RPTOR: variants seen among roughly 807,000 people sequenced by gnomAD.
RPTOR encodes the protein regulatory associated protein of MTOR complex 1, also known as regulatory-associated protein of mTOR.
In RPTOR, 21 loss-of-function variants were observed where a neutral mutation model predicts 169.9. That is an observed-to-expected ratio of 0.12 (90% CI 0.09 to 0.18). The LOEUF (loss-of-function observed/expected upper bound fraction) is 0.18, where lower values mean the gene tolerates loss of function less well. Ranked by LOEUF, RPTOR falls within the 10% of genes least tolerant of loss-of-function variation. The probability of loss-of-function intolerance (pLI) is 1.00; values close to 1 mark genes in which losing one functional copy is unlikely to be tolerated. For synonymous variants in RPTOR, 732 were observed against 753.2 expected (o/e 0.97, Z 0.46); for missense variants, 1,133 against 1,855.9 (o/e 0.61, Z 7.16).
At chr17:80,821,500 C>T (rs746903211) in intron 7 of RPTOR, among the ~76,000 whole-genome samples, 32 of 152,140 alleles carry the variant, frequency 2.1e-4, no homozygotes, top group Non-Finnish European at 3.7e-4. Flanking sequence ...CTGCAAAAGT[C>T]ATGGTTCTGT....
At chr17:80,567,441 C>A (rs1199299956) in intron 1 of RPTOR, among the ~76,000 whole-genome samples, 3 of 152,074 alleles carry the variant, frequency 2.0e-5, no homozygotes, top group African/African-American at 7.2e-5. Flanking sequence ...CTTTTGCTAT[C>A]AATGTCATAC....
At chr17:80,952,106 T>G (rs1252805645) in intron 28 of RPTOR, among the ~76,000 whole-genome samples, 11 of 152,150 alleles carry the variant, frequency 7.2e-5, no homozygotes, top group Admixed American at 7.2e-4. Context: ...GGGTAATTAT[T>G]TGTCATCGAT....
At chr17:80,743,694 G>A (rs1405501496) in intron 5 of RPTOR, among the ~76,000 whole-genome samples, 2 of 151,026 alleles carry the variant, frequency 1.3e-5, no homozygotes, top group African/African-American at 4.9e-5. Context: ...TACTAGCACA[G>A]CCCTGGCTAC....
chr17:80,621,067 T>G (rs1295632991), intron 1 of RPTOR, among the ~76,000 whole-genome samples: 2 of 152,228 alleles, frequency 1.3e-5, no homozygotes. Flanking sequence ...CATTCTTGTC[T>G]TTGTATAGTG....
intron 29 of RPTOR, among the ~76,000 whole-genome samples, chr17:80,958,577 AT>A (rs1262560149): frequency 4.8e-5 from 7 of 147,232 alleles, no homozygotes; most frequent in African/African-American, 5.0e-5. Context: ...CGCCCAGCTA[AT>A]TTTTTTTTTG....
rs528410346 is a variant in RPTOR, at chr17:80,797,791, C to T, written c.890+6282C>T. ...ATGTTGATCTTGGTTACTGTGACCT[C>T]TGTGGCTCAGACCCTCTTGGCCAGC... On this transcript the variant is annotated intron_variant, in intron 7 of 33. Coordinates refer to ENST00000306801, the MANE Select transcript of RPTOR (RefSeq NM_020761.3). Among the ~76,000 whole-genome samples, 56 of 152,336 alleles carry T rather than the reference C, an allele frequency of 3.7e-4. 1 individual carries two copies. In the South Asian group the frequency reaches 0.011, roughly 30 times the overall value.
At chr17:80,937,195 G>C (rs896211955) in intron 24 of RPTOR, among the ~76,000 whole-genome samples, 2 of 152,174 alleles carry the variant, frequency 1.3e-5, no homozygotes, top group Admixed American at 6.5e-5. Context: ...AGCGTTTAAT[G>C]TGTTAGCGAT....
At chr17:80,764,745 C>T (rs1174464210) in intron 6 of RPTOR, among the ~76,000 whole-genome samples, 8 of 152,126 alleles carry the variant, frequency 5.3e-5, no homozygotes, top group Admixed American at 3.9e-4. Context: ...ACACTGACTT[C>T]CACAATGGTT....
At chr17:80,681,072 G>A (rs543595387) in intron 3 of RPTOR, among the ~76,000 whole-genome samples, 2 of 152,160 alleles carry the variant, frequency 1.3e-5, no homozygotes, top group Non-Finnish European at 2.9e-5. Context: ...GTTTGACAGA[G>A]GTGAGGGGCC....
rs2069416403 is a variant in RPTOR, at chr17:80,965,546, T to C, written c.*1216T>C. The C allele has an allele frequency of 4.3e-6, 1 of 233,274 alleles. No individual in the cohort carries two copies. Among genetic ancestry groups the C allele is most frequent in the Admixed American group, 5.6e-5 (1 of 17,790 alleles). The allele number at this position is 233,274 out of a possible 1,614,324, so 14.5% of individuals were successfully genotyped here. On this transcript the variant is annotated 3_prime_UTR_variant, in exon 34 of 34. Coordinates refer to ENST00000306801, the MANE Select transcript of RPTOR (RefSeq NM_020761.3). Reference sequence around the variant, plus strand: ...ATTTTGAAAAGTGTTCTTTCCGTGTTCGTCGGGAATCAGGATTATTGAGAG... The same window carrying C: ...ATTTTGAAAAGTGTTCTTTCCGTGTCCGTCGGGAATCAGGATTATTGAGAG...
rs548570276 is a variant in RPTOR, at chr17:80,846,322, A to T, written c.1213-151A>T. Reference sequence around the variant, plus strand: ...GGCTCTCCCTCTTTGGCATGCCCAGAGCGCCCGCTTCTCAGCCGCCTGGCA... The same window carrying T: ...GGCTCTCCCTCTTTGGCATGCCCAGTGCGCCCGCTTCTCAGCCGCCTGGCA... On this transcript the variant is annotated intron_variant, in intron 10 of 33. Coordinates refer to ENST00000306801, the MANE Select transcript of RPTOR (RefSeq NM_020761.3). 2.2e-5 allele frequency: 15 copies of T among 692,560 alleles called. No homozygotes were observed. The South Asian group carries it at 2.6e-4, about 12-fold the overall frequency. 42.9% of individuals were successfully genotyped at this position (692,560 alleles called of 1,614,324 possible).
intron 7 of RPTOR, among the ~76,000 whole-genome samples, chr17:80,800,231 G>A (rs911998826): frequency 4.6e-5 from 7 of 152,182 alleles, no homozygotes; most frequent in African/African-American, 9.7e-5. Flanking sequence ...AATCCAACCC[G>A]AGTCATATCA....
chr17:80,880,130 C>A (rs1198308096), intron 13 of RPTOR, among the ~76,000 whole-genome samples: 1 of 152,138 alleles, frequency 6.6e-6, no homozygotes, highest in Non-Finnish European at 1.5e-5. Flanking sequence ...GGGGTGCAGG[C>A]AGGGGCTGCA....
chr17:80,744,577 CCCTGGCTACTAGCACTGT>C (rs2066544305), intron 5 of RPTOR, among the ~76,000 whole-genome samples: 2 of 38,084 alleles, frequency 5.3e-5, no homozygotes, highest in African/African-American at 1.8e-4. Flanking sequence ...ACGAGCACAG[CCCTGGCTACTAGCACTGT>C]CCTGGTTACT....
At chr17:80,949,231 C>T (rs1381991690) in intron 27 of RPTOR, among the ~76,000 whole-genome samples, 1 of 152,164 alleles carries the variant, frequency 6.6e-6, no homozygotes, top group Non-Finnish European at 1.5e-5. Flanking sequence ...CCCTGGGCTG[C>T]GACTCCTCCT....
At chr17:80,850,894 C>A (rs1459412509) in intron 11 of RPTOR, among the ~76,000 whole-genome samples, 6 of 152,216 alleles carry the variant, frequency 3.9e-5, no homozygotes, top group Admixed American at 2.6e-4. Flanking sequence ...TTCCAGTATG[C>A]CTGTCTGAGC....
At chr17:80,566,013 T>C (rs999748791) in intron 1 of RPTOR, among the ~76,000 whole-genome samples, 13 of 152,240 alleles carry the variant, frequency 8.5e-5, no homozygotes, top group Non-Finnish European at 1.9e-4. Context: ...ACAACTTTGA[T>C]GGACTTGAAG....
intron 20 of RPTOR, among the ~76,000 whole-genome samples, chr17:80,901,987 A>G (rs1235429430): frequency 6.6e-6 from 1 of 152,148 alleles, no homozygotes; most frequent in Non-Finnish European, 1.5e-5. Flanking sequence ...GGGGCAGGAT[A>G]AATGTTTGTG....
At chr17:80,589,332 C>G (rs554983931) in intron 1 of RPTOR, among the ~76,000 whole-genome samples, 2 of 152,086 alleles carry the variant, frequency 1.3e-5, no homozygotes, top group South Asian at 4.2e-4. Context: ...GGGTACTTCT[C>G]TCTGTGTGCC....
Sources: gnomAD v4.1 joint callset for allele counts (sites outside exome capture counted in the v4.1 genomes callset) on GRCh38, gnomAD v4.1.1 for gene constraint, MANE v1.5 for transcripts, NCBI Gene and HGNC (gene_info 2026-07-23, HGNC 2026-07-21) for gene names.